Variants in TSNAX observed in about 807,000 individuals in gnomAD.
TSNAX encodes the protein translin-associated protein X.
A neutral mutation model predicts 33.0 loss-of-function variants in TSNAX; 12 were observed. That is an observed-to-expected ratio of 0.36 (90% CI 0.23 to 0.59). The LOEUF is 0.59. Ranked by LOEUF, TSNAX falls within the 20% of genes least tolerant of loss-of-function variation. The pLI is 0.74. For synonymous variants in TSNAX, 110 were observed against 117.2 expected (o/e 0.94, Z 0.40); for missense variants, 267 against 341.3 (o/e 0.78, Z 1.72).
rs1171104214 is a variant in TSNAX, at chr1:231,566,308, T to G, written c.*1403T>G. ...TCGTTAGTAATATTTAGAATTGGAA[T>G]TTGCCTACTGAAATAGTTATAGATG... On this transcript the variant is annotated 3_prime_UTR_variant, in exon 6 of 6. Coordinates refer to ENST00000366639, the MANE Select transcript of TSNAX (RefSeq NM_005999.3). The G allele has an allele frequency of 6.6e-6, 1 of 152,582 alleles. No individual in the cohort carries two copies. Among genetic ancestry groups the G allele is most frequent in the Non-Finnish European group, 1.5e-5 (1 of 68,022 alleles). 9.5% of individuals were successfully genotyped at this position (152,582 alleles called of 1,614,324 possible). A position where few individuals can be genotyped will look rare whatever the true frequency, so the allele number is the denominator to read the frequency against.
intron 3 of TSNAX, among the ~76,000 whole-genome samples, chr1:231,537,843 T>A (rs1017179114): frequency 1.3e-5 from 2 of 152,062 alleles, no homozygotes; most frequent in Non-Finnish European, 2.9e-5. Context: ...TTCATTAAGA[T>A]ATAGCTATTG....
intron 4 of TSNAX, among the ~76,000 whole-genome samples, chr1:231,543,007 A>C (rs964796570): frequency 6.6e-6 from 1 of 151,802 alleles, no homozygotes; most frequent in Admixed American, 6.6e-5. Context: ...TGAAACCCCG[A>C]CTCAACTAAA....
chr1:231,532,082 AAAAACT>A (rs1399436289), intron 2 of TSNAX, among the ~76,000 whole-genome samples: 1 of 147,966 alleles, frequency 6.8e-6, no homozygotes, highest in African/African-American at 2.5e-5. Context: ...AGGAAAAAAA[AAAAACT>A]AACTGAGGTG....
At chr1:231,562,212 TATTTA>T (rs765798706) in intron 5 of TSNAX, among the ~76,000 whole-genome samples, 202 of 148,016 alleles carry the variant, frequency 1.4e-3, no homozygotes, top group Middle Eastern at 3.6e-3. Flanking sequence ...AAATATTAAA[TATTTA>T]ATTATTTTAA....
intron 4 of TSNAX, among the ~76,000 whole-genome samples, chr1:231,549,468 G>A (rs1660162173): frequency 6.6e-6 from 1 of 152,140 alleles, no homozygotes; most frequent in South Asian, 2.1e-4. Flanking sequence ...GAGTGTAATG[G>A]GGATGGGAAC....
chr1:231,552,093 C>T (rs540253283), intron 4 of TSNAX, among the ~76,000 whole-genome samples: 2 of 152,234 alleles, frequency 1.3e-5, no homozygotes, highest in Non-Finnish European at 2.9e-5. Flanking sequence ...GTCGGGAGTT[C>T]GAGACCAGCC....
intron 2 of TSNAX, chr1:231,535,190 T>A (rs1311165732): frequency 1.3e-5 from 2 of 152,220 alleles, no homozygotes; most frequent in Non-Finnish European, 2.9e-5. Context: ...CGGGTTATTT[T>A]TCCCATAGGT....
chr1:231,551,931 G>A (rs572138756), intron 4 of TSNAX, among the ~76,000 whole-genome samples: 3 of 152,230 alleles, frequency 2.0e-5, no homozygotes, highest in Non-Finnish European at 4.4e-5. Flanking sequence ...GTTTGAGGCT[G>A]CAGTGAGCCA....
At chr1:231,550,445 A>T (rs996748100) in intron 4 of TSNAX, among the ~76,000 whole-genome samples, 1 of 152,174 alleles carries the variant, frequency 6.6e-6, no homozygotes, top group Non-Finnish European at 1.5e-5. Context: ...GGAACCAGGG[A>T]TATAAACAGA....
chr1:231,566,396 G>GTT lies in TSNAX; in HGVS notation c.*1494_*1495dup, dbSNP rs1487276194. ...CAGACATTTCCAGTTGGTTTTGTAA[G>GTT]TTTTGAGAATCTAGATACTGGGTTT... On this transcript the variant is annotated 3_prime_UTR_variant, in exon 6 of 6. Coordinates refer to ENST00000366639, the MANE Select transcript of TSNAX (RefSeq NM_005999.3). 1 of 152,486 alleles carries GTT rather than the reference G, an allele frequency of 6.6e-6. No individual in the cohort carries two copies. The highest frequency in any genetic ancestry group is 1.5e-5 in the Non-Finnish European group (1 of 68,020). 9.4% of individuals were successfully genotyped at this position (152,486 alleles called of 1,614,324 possible). A position where few individuals can be genotyped will look rare whatever the true frequency, so the allele number is the denominator to read the frequency against.
chr1:231,552,135 G>A (rs1219765046), intron 4 of TSNAX, among the ~76,000 whole-genome samples: 1 of 152,054 alleles, frequency 6.6e-6, no homozygotes, highest in Non-Finnish European at 1.5e-5. Context: ...GTCTACAAAA[G>A]TTAGCTGGGT....
intron 4 of TSNAX, among the ~76,000 whole-genome samples, chr1:231,547,095 A>G (rs1307033606): frequency 6.6e-6 from 1 of 152,258 alleles, no homozygotes; most frequent in Non-Finnish European, 1.5e-5. Flanking sequence ...TTGGTGTAAT[A>G]GAAAATTCAG....
chr1:231,554,741 A>G (rs997153992), intron 4 of TSNAX: 4 of 152,238 alleles, frequency 2.6e-5, no homozygotes, highest in African/African-American at 9.6e-5. Context: ...AAGCTGAACC[A>G]GGAATTTAGT....
At chr1:231,533,741 TTC>T (rs566571983) in intron 2 of TSNAX, among the ~76,000 whole-genome samples, 11 of 152,224 alleles carry the variant, frequency 7.2e-5, no homozygotes, top group Non-Finnish European at 1.6e-4. Context: ...TGCTTTATTA[TTC>T]TCTCTATATA....
At chr1:231,548,986 A>G (rs1660120304) in intron 4 of TSNAX, among the ~76,000 whole-genome samples, 1 of 152,240 alleles carries the variant, frequency 6.6e-6, no homozygotes, top group Non-Finnish European at 1.5e-5. Context: ...TAAGCCTTGT[A>G]TGACAGGACA....
rs376415424 is a variant in TSNAX at position 231,564,414 on chromosome 1, A to G, written c.496-114A>G. 4.0e-5 allele frequency: 59 copies of G among 1,477,796 alleles called. No homozygotes were observed. The South Asian group carries it at 7.3e-4, about 18-fold the overall frequency. The allele number at this position is 1,477,796 out of a possible 1,614,324, so 91.5% of individuals were successfully genotyped here. A position where few individuals can be genotyped will look rare whatever the true frequency, so the allele number is the denominator to read the frequency against. ...AAAAAATTAGTATGACTGATTTGCTATTGATTTTGTACTTCTATAATAAAT... is the reference window on the plus strand; with the variant it reads ...AAAAAATTAGTATGACTGATTTGCTGTTGATTTTGTACTTCTATAATAAAT... On this transcript the variant is annotated intron_variant, in intron 5 of 5. Coordinates refer to ENST00000366639, the MANE Select transcript of TSNAX (RefSeq NM_005999.3).
rs1426738130 is a variant in TSNAX, at chr1:231,537,120, C to G, written c.122-93C>G. The G allele has an allele frequency of 8.5e-6, 8 of 945,168 alleles. No individual in the cohort carries two copies. In the East Asian group the frequency reaches 1.7e-4, roughly 20 times the overall value. The allele number at this position is 945,168 out of a possible 1,614,324, so 58.5% of individuals were successfully genotyped here. Reference sequence around the variant, plus strand: ...TGCTGAGATTACAGGCGTGAGCCACCGCACCCAGCATATGTGACGTACATC... The same window carrying G: ...TGCTGAGATTACAGGCGTGAGCCACGGCACCCAGCATATGTGACGTACATC... On this transcript the variant is annotated intron_variant, in intron 2 of 5. Transcript: ENST00000366639.
intron 4 of TSNAX, among the ~76,000 whole-genome samples, chr1:231,558,763 A>G (rs2124939792): frequency 6.6e-6 from 1 of 152,260 alleles, no homozygotes; most frequent in South Asian, 2.1e-4. Context: ...ATAAAATTAA[A>G]CATTTAATTA....
intron 2 of TSNAX, chr1:231,536,408 G>A (rs1330875423): frequency 6.6e-6 from 1 of 152,040 alleles, no homozygotes; most frequent in Non-Finnish European, 1.5e-5. Flanking sequence ...GATATAATTT[G>A]GTAGCTTTTT....
Sources: gnomAD v4.1 joint callset for allele counts (sites outside exome capture counted in the v4.1 genomes callset) on GRCh38, gnomAD v4.1.1 for gene constraint, MANE v1.5 for transcripts, NCBI Gene and HGNC (gene_info 2026-07-23, HGNC 2026-07-21) for gene names.